The following ENTPD1 variants were observed in gnomAD, a reference collection of about 807,000 sequenced individuals.
ENTPD1 encodes the protein ectonucleoside triphosphate diphosphohydrolase 1.
Under a neutral mutation model 57.0 loss-of-function variants are expected in ENTPD1, and 33 were observed. The ratio of observed to expected loss-of-function variants is 0.58; its 90% confidence interval spans 0.44 to 0.77. The LOEUF (loss-of-function observed/expected upper bound fraction) is 0.77, where lower values mean the gene tolerates loss of function less well. Among genes scored for constraint, ENTPD1 ranks in the 30% least tolerant of loss-of-function variants. The pLI is 0.00. For missense variants in ENTPD1, 501 were observed against 603.4 expected (o/e 0.83, Z 1.78); for synonymous variants, 202 against 218.8 (o/e 0.92, Z 0.68).
At position 95,823,061 on chromosome 10, in the gene ENTPD1, T is replaced by A. The variant is rs555778684; in HGVS notation, c.17-176T>A. ...CCTTTGTCAAAGTACAAACAAATCC[T>A]TTTGTTCTTGAATTATTTCCCAATT... On this transcript the variant is annotated intron_variant, in intron 1 of 9. Coordinates refer to ENST00000371205, the MANE Select transcript of ENTPD1 (RefSeq NM_001776.6). Among the ~76,000 whole-genome samples, 3 of 152,324 alleles carry A rather than the reference T, an allele frequency of 2.0e-5. No homozygotes were observed. The East Asian group carries it at 5.8e-4, about 29-fold the overall frequency.
chr10:95,733,391 C>T (rs1044778626), intron 1 of ENTPD1, among the ~76,000 whole-genome samples: 1 of 152,094 alleles, frequency 6.6e-6, no homozygotes, highest in African/African-American at 2.4e-5. Flanking sequence ...ACAATTTGTG[C>T]AGTTAACGCA....
intron 1 of ENTPD1, among the ~76,000 whole-genome samples, chr10:95,733,263 C>A (rs1344600315): frequency 6.6e-6 from 1 of 152,244 alleles, no homozygotes; most frequent in Non-Finnish European, 1.5e-5. Flanking sequence ...TCTGTTCCAC[C>A]TGGCTCTCAG....
At position 95,779,966 on chromosome 10, in the gene ENTPD1, G is replaced by A. The variant is rs191506891; in HGVS notation, c.16+23711G>A. Among the ~76,000 whole-genome samples, 4 of 152,158 alleles carry A rather than the reference G, an allele frequency of 2.6e-5. No homozygotes were observed. The South Asian group carries it at 6.2e-4, about 24-fold the overall frequency. On this transcript the variant is annotated intron_variant, in intron 1 of 9. Transcript: ENST00000371205. ...AGATGTGAGGAGGTGTGGCTAGTTCGATACAACTAGGAGGGCCAGAGGTGT... is the reference window on the plus strand; with the variant it reads ...AGATGTGAGGAGGTGTGGCTAGTTCAATACAACTAGGAGGGCCAGAGGTGT...
At chr10:95,694,244 A>C in the ENTPD1 span, 1 of 320,610 alleles carries the variant, frequency 3.1e-6, no homozygotes, top group Non-Finnish European at 5.8e-6. Flanking sequence ...CAGAGGACTG[A>C]GCCCGGCCTC....
At chr10:95,755,814 CT>C (rs1225661908), upstream of ENTPD1, 3 of 1,514,088 alleles carry the variant, frequency 2.0e-6, no homozygotes, top group African/African-American at 4.1e-5. Flanking sequence ...TAAGGAATAG[CT>C]TTTTTTGCTT....
chr10:95,797,548 A>G (rs565253735), intron 1 of ENTPD1, among the ~76,000 whole-genome samples: 39 of 152,300 alleles, frequency 2.6e-4, no homozygotes, highest in African/African-American at 8.9e-4. Flanking sequence ...AGCCTGTAAC[A>G]TGGTGCTTGT....
intron 9 of ENTPD1, 27 bp from the exon 10 acceptor site, chr10:95,866,150 C>T (rs756255520): frequency 6.2e-7 from 1 of 1,604,992 alleles, no homozygotes; most frequent in Non-Finnish European, 8.5e-7. Flanking sequence ...CCTCCAACCA[C>T]AAACAGACTT....
At chr10:95,785,537 A>G (rs939610873) in intron 1 of ENTPD1, among the ~76,000 whole-genome samples, 6 of 152,236 alleles carry the variant, frequency 3.9e-5, no homozygotes, top group African/African-American at 1.4e-4. Flanking sequence ...AAGGTTGGCC[A>G]CAAAACCAAC....
chr10:95,817,153 G>A (rs1240259813), intron 1 of ENTPD1, among the ~76,000 whole-genome samples: 3 of 152,110 alleles, frequency 2.0e-5, no homozygotes, highest in East Asian at 1.9e-4. Context: ...TTGTTGGCTC[G>A]GTGACCCTTC....
At chr10:95,749,251 C>T (rs541116385) in intron 1 of ENTPD1, among the ~76,000 whole-genome samples, 22 of 152,308 alleles carry the variant, frequency 1.4e-4, no homozygotes, top group African/African-American at 5.3e-4. Flanking sequence ...CTATTATCCC[C>T]CTTGTGTGTT....
chr10:95,787,268 T>C (rs2098183802), intron 1 of ENTPD1, among the ~76,000 whole-genome samples: 1 of 152,226 alleles, frequency 6.6e-6, no homozygotes, highest in Admixed American at 6.5e-5. Context: ...CCAAGCTTTA[T>C]TTTGATCATT....
chr10:95,716,605 A>G (rs555860793), intron 1 of ENTPD1, among the ~76,000 whole-genome samples: 92 of 152,192 alleles, frequency 6.0e-4, no homozygotes, highest in Non-Finnish European at 1.2e-3. Context: ...GTTTCCTCTC[A>G]TGTTTTGTCT....
upstream of ENTPD1, among the ~76,000 whole-genome samples, chr10:95,707,435 C>T (rs555595273): frequency 3.3e-5 from 5 of 152,308 alleles, no homozygotes; most frequent in African/African-American, 9.6e-5. Context: ...CCAGGCCCAG[C>T]GGGGCCTCCC....
the ENTPD1 span, among the ~76,000 whole-genome samples, chr10:95,705,464 A>G: frequency 2.0e-5 from 3 of 152,292 alleles, no homozygotes; most frequent in Admixed American, 1.3e-4. Context: ...ATGAAAATGA[A>G]CAAAGTACTG....
intron 1 of ENTPD1, 120 bp downstream of exon 1, chr10:95,756,375 T>C (rs755838652): frequency 2.6e-5 from 29 of 1,108,340 alleles, no homozygotes; most frequent in African/African-American, 1.6e-4. Flanking sequence ...GAATGAACTT[T>C]CCCACCCTCT....
intron 1 of ENTPD1, among the ~76,000 whole-genome samples, chr10:95,720,880 G>C (rs2097976656): frequency 6.6e-6 from 1 of 152,140 alleles, no homozygotes; most frequent in South Asian, 2.1e-4. Context: ...AGCCTCCAAA[G>C]TCCGCTTGCC....
At chr10:95,712,399 T>G (rs1641752732) in intron 1 of ENTPD1, among the ~76,000 whole-genome samples, 1 of 152,224 alleles carries the variant, frequency 6.6e-6, no homozygotes, top group African/African-American at 2.4e-5. Flanking sequence ...TCCTATTGTC[T>G]TATTTCATGT....
the ENTPD1 span, among the ~76,000 whole-genome samples, chr10:95,700,264 C>A: frequency 4.0e-5 from 6 of 151,336 alleles, no homozygotes; most frequent in African/African-American, 1.5e-4. Flanking sequence ...GACATCTAAT[C>A]TATTGAACAA....
chr10:95,767,995 T>G (rs905236295), intron 1 of ENTPD1, among the ~76,000 whole-genome samples: 2 of 152,252 alleles, frequency 1.3e-5, no homozygotes, highest in Non-Finnish European at 2.9e-5. Context: ...TTATGCTCTC[T>G]TGCCCTTTGC....
Sources: gnomAD v4.1 joint callset for allele counts (sites outside exome capture counted in the v4.1 genomes callset) on GRCh38, gnomAD v4.1.1 for gene constraint, MANE v1.5 for transcripts, NCBI Gene and HGNC (gene_info 2026-07-23, HGNC 2026-07-21) for gene names.